Variants in SCLT1 observed in about 807,000 individuals in gnomAD.
SCLT1 encodes sodium channel and clathrin linker 1.
A neutral mutation model predicts 112.8 loss-of-function variants in SCLT1; 78 were observed. The observed-to-expected ratio is 0.69, with a 90% CI of 0.58 to 0.83. The LOEUF is 0.83. Ranked by LOEUF, SCLT1 falls within the 40% of genes least tolerant of loss-of-function variation. The pLI is 0.00. For synonymous variants in SCLT1, 257 were observed against 254.7 expected, an observed-to-expected ratio of 1.01 and a Z score of -0.09; for missense variants, 747 against 770.4, an observed-to-expected ratio of 0.97 and a Z score of 0.36.
At chr4:129,001,917 T>G (rs1324801152) in intron 6 of SCLT1, among the ~76,000 whole-genome samples, 1 of 152,038 alleles carries the variant, frequency 6.6e-6, no homozygotes, top group Non-Finnish European at 1.5e-5. Flanking sequence ...TGAAATCAAT[T>G]ATAAATCTTT....
chr4:128,877,838 A>G (rs1167517947), intron 3 of SCLT1, among the ~76,000 whole-genome samples: 1 of 152,212 alleles, frequency 6.6e-6, no homozygotes, highest in Non-Finnish European at 1.5e-5. Context: ...CCTAATAGAT[A>G]ATGAGCAGGA....
chr4:129,030,864 G>A (rs937746224), intron 5 of SCLT1, among the ~76,000 whole-genome samples: 10 of 152,088 alleles, frequency 6.6e-5, no homozygotes, highest in East Asian at 1.9e-4. Context: ...ATTCACAGCC[G>A]AATTCTACAT....
At chr4:128,994,513 C>A (rs1022463120) in intron 8 of SCLT1, among the ~76,000 whole-genome samples, 1 of 152,018 alleles carries the variant, frequency 6.6e-6, no homozygotes, top group Non-Finnish European at 1.5e-5. Context: ...AATTTCAATA[C>A]GTTGGGATAA....
At chr4:129,029,031 G>T (rs1024049181) in intron 5 of SCLT1, among the ~76,000 whole-genome samples, 4 of 152,246 alleles carry the variant, frequency 2.6e-5, no homozygotes, top group African/African-American at 9.6e-5. Flanking sequence ...GAAACAACAG[G>T]TGCTGGAGAG....
chr4:128,965,299 G>T lies in SCLT1; in HGVS notation c.797C>A (p.Ala266Asp). 2 of 1,607,128 alleles carry T rather than the reference G, an allele frequency of 1.2e-6. No individual in the cohort carries two copies. The highest frequency in any genetic ancestry group is 8.5e-7 in the Non-Finnish European group (1 of 1,174,020). Reference protein sequence around the residue: ...MKKKEKDVVSAHGREEASDRR... With the variant: ...MKKKEKDVVSDHGREEASDRR... ...ATCTGATGCTTCCTCTCTTCCATGG[G>T]CAGACACCACATCCTTCTCCTAGAA... Residue 266 changes from alanine to aspartate, a missense_variant, in exon 11 of 21, where the codon GCC (alanine) becomes GAC (aspartate). Coordinates refer to ENST00000281142, the MANE Select transcript of SCLT1 (RefSeq NM_144643.4).
At chr4:128,915,757 G>A (rs927110449) in intron 18 of SCLT1, among the ~76,000 whole-genome samples, 2 of 151,908 alleles carry the variant, frequency 1.3e-5, no homozygotes, top group Non-Finnish European at 2.9e-5. Context: ...ATATGTTCTG[G>A]ATATCTACTA....
chr4:129,078,356 A>C (rs1751640166), intron 2 of SCLT1, among the ~76,000 whole-genome samples: 1 of 152,164 alleles, frequency 6.6e-6, no homozygotes, highest in South Asian at 2.1e-4. Flanking sequence ...ATGATGCATT[A>C]CCGTGGCCAG....
At position 129,051,632 on chromosome 4, in the gene SCLT1, C is replaced by T. The variant is rs562408910; in HGVS notation, c.103-7581G>A. On this transcript the variant is annotated intron_variant, in intron 2 of 20. Coordinates refer to ENST00000281142, the MANE Select transcript of SCLT1 (RefSeq NM_144643.4). ...AGCTTAAAGAGATTTTGGGCTGAGACGATGGGGTTTTCTAAATATATAATC... is the reference window on the plus strand; with the variant it reads ...AGCTTAAAGAGATTTTGGGCTGAGATGATGGGGTTTTCTAAATATATAATC... 6.6e-5 allele frequency among the ~76,000 whole-genome samples: 10 copies of T among 152,222 alleles called. No individual in the cohort carries two copies. The South Asian group carries it at 1.0e-3, about 16-fold the overall frequency.
chr4:129,010,477 T>G (rs1212563229), intron 5 of SCLT1, among the ~76,000 whole-genome samples: 1 of 152,228 alleles, frequency 6.6e-6, no homozygotes, highest in Non-Finnish European at 1.5e-5. Context: ...TTAATAGGAA[T>G]AGCATTAGAT....
chr4:128,902,520 C>T (rs1734397571), intron 18 of SCLT1, among the ~76,000 whole-genome samples: 1 of 151,898 alleles, frequency 6.6e-6, no homozygotes, highest in Non-Finnish European at 1.5e-5. Context: ...AGAAAAGGTA[C>T]AGTAAAAATA....
chr4:128,951,844 T>C (rs965919856), intron 14 of SCLT1, among the ~76,000 whole-genome samples: 3 of 152,152 alleles, frequency 2.0e-5, no homozygotes, highest in African/African-American at 7.2e-5. Context: ...TAAATATTCC[T>C]TGTTCTATTA....
chr4:128,911,961 A>G (rs318538), intron 18 of SCLT1, among the ~76,000 whole-genome samples: 116,299 of 152,196 alleles, frequency 0.76, 45,461 homozygotes, highest in African/African-American at 0.94. Flanking sequence ...TTTAAAAGGC[A>G]TATTTTCAGG....
At chr4:129,002,077 T>C (rs1250449573) in intron 6 of SCLT1, among the ~76,000 whole-genome samples, 1 of 152,050 alleles carries the variant, frequency 6.6e-6, no homozygotes, top group Non-Finnish European at 1.5e-5. Flanking sequence ...ACCTAAAATA[T>C]CACTTTCATA....
Position 128,936,674 on chromosome 4 carries a change from T to C in SCLT1, c.1810A>G (p.Ile604Val), listed in dbSNP as rs770189357. The C allele has an allele frequency of 5.0e-6, 8 of 1,598,252 alleles. No homozygotes were observed. In the African/African-American group the frequency reaches 9.5e-5, roughly 19 times the overall value. ...ACTTACTTTAGATTATTGATTCTAA[T>C]TTCTGCACTTTCAGTAAGTTTCTTC... ...ETKKLTESAEIRINNLKSELS... is the reference protein window; with the variant it reads ...ETKKLTESAEVRINNLKSELS... Residue 604 changes from isoleucine (I) to valine (V), a missense_variant, in exon 18 of 21, where the codon ATT (isoleucine) becomes GTT (valine). Around this residue, in one of 2 missense-constraint regions of SCLT1, gnomAD observed 723 missense variants for 721.3 expected, o/e 1.00. Coordinates refer to ENST00000281142, the MANE Select transcript of SCLT1 (RefSeq NM_144643.4).
intron 9 of SCLT1, among the ~76,000 whole-genome samples, chr4:128,974,486 T>C (rs2126039900): frequency 1.3e-5 from 2 of 152,100 alleles, no homozygotes; most frequent in South Asian, 2.1e-4. Context: ...CAGATCTTGG[T>C]GGCTCAATGT....
In SCLT1 at chr4:129,003,737, T is replaced by A. The variant is rs752401580; in HGVS notation, c.426+4A>T. ...TATAATTTTTAAAAATACATGTCAC[T>A]CACTTGATTGGCTAGCTGCAATTGT... On this transcript the variant is annotated splice_donor_region_variant and intron_variant, in intron 6 of 20. Coordinates refer to ENST00000281142, the MANE Select transcript of SCLT1 (RefSeq NM_144643.4). 1 of 1,593,932 alleles carries A rather than the reference T, an allele frequency of 6.3e-7. No individual in the cohort carries two copies.
rs545675224 is a variant in SCLT1, at chr4:129,043,307, T to A, written c.234+88A>T. The stretch of plus-strand genomic sequence containing the variant: ...GTTACAGCAAATATTCTCTTTCTCA[T>A]CAATGTCTTTTTAAAAAGAGGGAGT... On this transcript the variant is annotated intron_variant, in intron 4 of 20. Coordinates refer to ENST00000281142, the MANE Select transcript of SCLT1 (RefSeq NM_144643.4). 1.2e-4 allele frequency: 87 copies of A among 723,346 alleles called. 3 individuals carry two copies. The South Asian group carries it at 1.4e-3, about 12-fold the overall frequency. 44.8% of individuals were successfully genotyped at this position (723,346 alleles called of 1,614,324 possible).
intron 18 of SCLT1, among the ~76,000 whole-genome samples, chr4:128,924,181 T>C (rs962634425): frequency 2.6e-5 from 4 of 152,242 alleles, no homozygotes; most frequent in Admixed American, 6.5e-5. Context: ...TTGTCAGATA[T>C]ACTAATTGCA....
intron 5 of SCLT1, among the ~76,000 whole-genome samples, chr4:129,038,335 A>G (rs1285222470): frequency 6.6e-6 from 1 of 152,170 alleles, no homozygotes; most frequent in South Asian, 2.1e-4. Flanking sequence ...TTGATATTAT[A>G]TTGCAAAATT....
Sources: gnomAD v4.1 joint callset for allele counts (sites outside exome capture counted in the v4.1 genomes callset) on GRCh38, gnomAD v4.1.1 for gene constraint, gnomAD v4.1.1 regional missense constraint, MANE v1.5 for transcripts, NCBI Gene and HGNC (gene_info 2026-07-23, HGNC 2026-07-21) for gene names.